Variants in DSCAM observed in about 807,000 individuals in gnomAD.
The protein encoded by DSCAM is DS cell adhesion molecule.
In DSCAM, 47 loss-of-function variants were observed where a neutral mutation model predicts 217.7. That is an observed-to-expected ratio of 0.22 (90% confidence interval 0.17 to 0.28). The LOEUF (loss-of-function observed/expected upper bound fraction) is 0.28. DSCAM is among the 10% of genes least tolerant of loss of function. The probability of loss-of-function intolerance (pLI) is 1.00; values close to 1 mark genes in which losing one functional copy is unlikely to be tolerated. For synonymous variants in DSCAM, 1,056 were observed against 1,015.3 expected (o/e 1.04, Z -0.76); for missense variants, 2,080 against 2,618.3 (o/e 0.79, Z 4.49).
chr21:40,578,444 A>AACG (rs2076873274), intron 3 of DSCAM, among the ~76,000 whole-genome samples: 1 of 40,818 alleles, frequency 2.4e-5, no homozygotes, highest in Non-Finnish European at 5.8e-5. Context: ...ACTCTGTAAA[A>AACG]CAGACCAATC....
chr21:40,303,513 T>C (rs2074038959), intron 9 of DSCAM, among the ~76,000 whole-genome samples: 1 of 152,190 alleles, frequency 6.6e-6, no homozygotes, highest in South Asian at 2.1e-4. Flanking sequence ...ATGTTTATTT[T>C]TCATAGTCCT....
intron 3 of DSCAM, among the ~76,000 whole-genome samples, chr21:40,615,149 C>G (rs546520367): frequency 2.0e-5 from 3 of 151,322 alleles, no homozygotes; most frequent in Admixed American, 6.6e-5. Flanking sequence ...ACTAAAAATA[C>G]AAAAATTAGC....
Position 40,733,278 on chromosome 21 carries a change from T to C in DSCAM, c.44-24507A>G, listed in dbSNP as rs1443129186. Among the ~76,000 whole-genome samples, 3 of 152,356 alleles carry C rather than the reference T, an allele frequency of 2.0e-5. No individual in the cohort carries two copies. The East Asian group carries it at 5.8e-4, about 29-fold the overall frequency. ...ACAGAGGAGCCTGCTGGATACTGAC[T>C]GATGGGACTGAGGAGGTTGCTGCCT... On this transcript the variant is annotated intron_variant, in intron 1 of 32. Transcript: ENST00000400454.
intron 11 of DSCAM, among the ~76,000 whole-genome samples, chr21:40,237,738 G>A (rs536658678): frequency 6.6e-6 from 1 of 152,148 alleles, no homozygotes; most frequent in Non-Finnish European, 1.5e-5. Context: ...CTAGTAATGG[G>A]ATTGCTGGGT....
intron 26 of DSCAM, among the ~76,000 whole-genome samples, chr21:40,077,044 C>G (rs1307909099): frequency 6.6e-6 from 1 of 152,132 alleles, no homozygotes; most frequent in African/African-American, 2.4e-5. Context: ...GATGGGGACA[C>G]CTTTGAATGA....
intron 3 of DSCAM, among the ~76,000 whole-genome samples, chr21:40,526,189 G>C (rs1287971034): frequency 6.6e-6 from 1 of 152,154 alleles, no homozygotes; most frequent in Non-Finnish European, 1.5e-5. Flanking sequence ...AGCTGGAGCT[G>C]GCCCCCAGAG....
At chr21:40,594,969 A>G (rs952842721) in intron 3 of DSCAM, among the ~76,000 whole-genome samples, 1 of 152,144 alleles carries the variant, frequency 6.6e-6, no homozygotes, top group Admixed American at 6.5e-5. Context: ...TGAGCAACCA[A>G]CACTTACTGG....
intron 8 of DSCAM, among the ~76,000 whole-genome samples, chr21:40,325,324 T>C (rs2074305730): frequency 6.6e-6 from 1 of 152,158 alleles, no homozygotes. Context: ...ACTGACTCGA[T>C]ATAGATAGAA....
chr21:40,693,688 G>A (rs1251706623), intron 2 of DSCAM, among the ~76,000 whole-genome samples: 1 of 152,178 alleles, frequency 6.6e-6, no homozygotes, highest in Non-Finnish European at 1.5e-5. Context: ...TTTTTCATTA[G>A]TAAATTTTTA....
chr21:40,196,947 G>A (rs940294763), intron 11 of DSCAM, among the ~76,000 whole-genome samples: 1 of 152,170 alleles, frequency 6.6e-6, no homozygotes, highest in African/African-American at 2.4e-5. Context: ...ATTTCCAGCA[G>A]ATTAATTGGA....
Position 40,684,419 on chromosome 21 carries a change from T to G in DSCAM, c.508+8391A>C, listed in dbSNP as rs376375505. Among the ~76,000 whole-genome samples the G allele has an allele frequency of 1.3e-4, 20 of 152,254 alleles. No homozygotes were observed. In the East Asian group the frequency reaches 2.5e-3, roughly 19 times the overall value. On this transcript the variant is annotated intron_variant, in intron 3 of 32. Transcript: ENST00000400454. ...ATGGTTTACTCCATCCTGCCCCATCTGCTCAGAAGGACAGCCACAAAGGGC... is the reference window on the plus strand; with the variant it reads ...ATGGTTTACTCCATCCTGCCCCATCGGCTCAGAAGGACAGCCACAAAGGGC...
chr21:40,279,407 A>T (rs1434355146), intron 10 of DSCAM, among the ~76,000 whole-genome samples: 1 of 152,252 alleles, frequency 6.6e-6, no homozygotes, highest in Non-Finnish European at 1.5e-5. Flanking sequence ...GAGAAATGCA[A>T]ATCAAAACCA....
At chr21:40,375,917 A>T (rs2074945669) in intron 3 of DSCAM, among the ~76,000 whole-genome samples, 1 of 152,222 alleles carries the variant, frequency 6.6e-6, no homozygotes, top group Non-Finnish European at 1.5e-5. Context: ...ATATATTCTT[A>T]TATGAAAATG....
At chr21:40,131,830 C>T (rs2090157344) in intron 19 of DSCAM, among the ~76,000 whole-genome samples, 2 of 152,290 alleles carry the variant, frequency 1.3e-5, no homozygotes, top group African/African-American at 4.8e-5. Context: ...TCAATCCCAG[C>T]TCCATACACT....
intron 20 of DSCAM, among the ~76,000 whole-genome samples, chr21:40,101,419 G>C (rs1447556062): frequency 6.6e-6 from 1 of 151,776 alleles, no homozygotes; most frequent in East Asian, 1.9e-4. Context: ...GCGGTCCCCA[G>C]CCTTTTTGGC....
intron 22 of DSCAM, 114 bp from the exon 23 acceptor site, chr21:40,085,879 A>G: frequency 1.1e-6 from 1 of 902,414 alleles, no homozygotes. Context: ...GAAGCTTCAT[A>G]TTTCTTGCAT....
intron 3 of DSCAM, among the ~76,000 whole-genome samples, chr21:40,523,798 C>A (rs896471350): frequency 6.6e-6 from 1 of 151,926 alleles, no homozygotes; most frequent in African/African-American, 2.4e-5. Context: ...CAGTAACACA[C>A]AAACACACAC....
At chr21:40,746,230 A>G (rs1033523742) in intron 1 of DSCAM, among the ~76,000 whole-genome samples, 12 of 151,986 alleles carry the variant, frequency 7.9e-5, no homozygotes, top group African/African-American at 2.9e-4. Flanking sequence ...ATGCAAATGA[A>G]TTAAAATCTC....
chr21:40,280,207 G>A lies in DSCAM; in HGVS notation c.2183-3937C>T, dbSNP rs769089567. On this transcript the variant is annotated intron_variant, in intron 10 of 32. Coordinates refer to ENST00000400454, the MANE Select transcript of DSCAM (RefSeq NM_001389.5). ...TTTTTTTTTTTTTTTTTTGAGACAG[G>A]GTCTTGCTCTTTTGCCCAGGTTGGA... Among the ~76,000 whole-genome samples the A allele has an allele frequency of 1.7e-3, 228 of 133,904 alleles. 1 individual carries two copies. Among genetic ancestry groups the A allele is most frequent in the Non-Finnish European group, 2.8e-3 (184 of 65,946 alleles). The allele number at this position is 133,904 out of a possible 152,430, so 87.8% of individuals were successfully genotyped here.
Sources: allele counts gnomAD v4.1 joint callset (sites outside exome capture counted in the v4.1 genomes callset), GRCh38; gene constraint gnomAD v4.1.1; transcripts MANE v1.5; gene names NCBI Gene and HGNC (gene_info 2026-07-23, HGNC 2026-07-21).